Variants in ENPP6 observed in about 807,000 individuals in gnomAD.
ENPP6 encodes glycerophosphocholine cholinephosphodiesterase ENPP6.
A neutral mutation model predicts 42.0 loss-of-function variants in ENPP6; 32 were observed. The ratio of observed to expected loss-of-function variants is 0.76; its 90% CI spans 0.58 to 1.02. ENPP6 has a LOEUF of 1.02. ENPP6 is among the 50% of genes least tolerant of loss of function. The pLI is 0.00. For missense variants in ENPP6, 552 were observed against 566.8 expected, an observed-to-expected ratio of 0.97 and a Z score of 0.27; for synonymous variants, 213 against 216.0, an observed-to-expected ratio of 0.99 and a Z score of 0.12.
intron 5 of ENPP6, 23 bp downstream of exon 5, chr4:184,116,833 C>T (rs919425725): frequency 2.7e-5 from 43 of 1,611,382 alleles, no homozygotes; most frequent in Admixed American, 1.3e-4. Context: ...GGCCCTCCTC[C>T]GCCCCCCACG....
chr4:184,146,109 T>G (rs1043808744), intron 2 of ENPP6, among the ~76,000 whole-genome samples: 4 of 151,254 alleles, frequency 2.6e-5, no homozygotes, highest in African/African-American at 9.7e-5. Flanking sequence ...TTTCAGCCAA[T>G]TTTCAAGCGT....
At chr4:184,207,254 A>C (rs1184844167) in intron 1 of ENPP6, among the ~76,000 whole-genome samples, 2 of 152,258 alleles carry the variant, frequency 1.3e-5, no homozygotes, top group African/African-American at 4.8e-5. Context: ...GCTACTCAGA[A>C]TGTTTCTGGG....
In ENPP6 at chr4:184,091,202, A is replaced by G. The variant is rs1217339770; in HGVS notation, c.1298T>C (p.Leu433Pro). 1.3e-6 allele frequency: 2 copies of G among 1,570,806 alleles called. No homozygotes were observed. Among genetic ancestry groups the G allele is most frequent in the South Asian group, 1.2e-5 (1 of 85,344 alleles). Residue 433 changes from leucine to proline, a missense_variant, in exon 8 of 8, where the codon CTG becomes CCG. Transcript: ENST00000296741. Reference sequence around the variant, plus strand: ...TTATGCAAGCAGGAAGAGAAGAATCAGTGCCAGGGCACAGTGGCTGGGCCA... The same window carrying G: ...TTATGCAAGCAGGAAGAGAAGAATCGGTGCCAGGGCACAGTGGCTGGGCCA... ...PVWPSHCALALILLFLLA is the reference protein window; with the variant it reads ...PVWPSHCALAPILLFLLA
intron 3 of ENPP6, among the ~76,000 whole-genome samples, chr4:184,118,741 G>A (rs1471617114): frequency 6.6e-6 from 1 of 152,194 alleles, no homozygotes; most frequent in Admixed American, 6.5e-5. Context: ...TTCCATCCCA[G>A]GTCAGCTCAT....
At chr4:184,126,292 T>A (rs11727475) in intron 2 of ENPP6, among the ~76,000 whole-genome samples, 103,946 of 152,088 alleles carry the variant, frequency 0.68, 35,856 homozygotes, top group African/African-American at 0.75. Context: ...TTCACCTGAG[T>A]AATTTGCCCT....
chr4:184,108,776 T>C (rs1444651835), intron 6 of ENPP6, among the ~76,000 whole-genome samples: 2 of 152,208 alleles, frequency 1.3e-5, no homozygotes. Flanking sequence ...CGATTATGAG[T>C]TTCCAGAGAG....
chr4:184,135,180 G>A (rs1039060119), intron 2 of ENPP6, among the ~76,000 whole-genome samples: 8 of 152,060 alleles, frequency 5.3e-5, no homozygotes, highest in African/African-American at 1.4e-4. Context: ...GCAGCTAGGT[G>A]CAGAGTTCTA....
At chr4:184,167,865 T>C (rs1192682502) in intron 1 of ENPP6, among the ~76,000 whole-genome samples, 3 of 152,170 alleles carry the variant, frequency 2.0e-5, no homozygotes, top group African/African-American at 7.2e-5. Context: ...TGGGTCTCAT[T>C]CAGTGATTCA....
At chr4:184,193,502 G>A (rs1732736702) in intron 1 of ENPP6, among the ~76,000 whole-genome samples, 1 of 152,166 alleles carries the variant, frequency 6.6e-6, no homozygotes. Context: ...AGGGCACAAA[G>A]TTTCCTTTTG....
chr4:184,126,915 A>G lies in ENPP6; in HGVS notation c.422-2643T>C, dbSNP rs117650236. Among the ~76,000 whole-genome samples the G allele has an allele frequency of 1.9e-3, 291 of 152,322 alleles. 8 individuals carry two copies. The East Asian group carries it at 0.05, about 26-fold the overall frequency. Reference sequence around the variant, plus strand: ...AAATATTATTTACCATATTATCTCTATTGTTCTTTCTCACACAATGTCCAA... The same window carrying G: ...AAATATTATTTACCATATTATCTCTGTTGTTCTTTCTCACACAATGTCCAA... On this transcript the variant is annotated intron_variant, in intron 2 of 7. Coordinates refer to ENST00000296741, the MANE Select transcript of ENPP6 (RefSeq NM_153343.4).
At chr4:184,185,035 G>A (rs781073365) in intron 1 of ENPP6, among the ~76,000 whole-genome samples, 3 of 152,188 alleles carry the variant, frequency 2.0e-5, no homozygotes, top group Non-Finnish European at 4.4e-5. Context: ...TATTATGAGA[G>A]ATAATCAAAG....
intron 1 of ENPP6, among the ~76,000 whole-genome samples, chr4:184,193,023 C>T (rs1335805715): frequency 4.6e-5 from 7 of 152,126 alleles, no homozygotes; most frequent in Admixed American, 4.6e-4. Context: ...CAGAACCTCA[C>T]ACATTGCTGG....
intron 1 of ENPP6, among the ~76,000 whole-genome samples, chr4:184,176,285 T>C (rs1737560327): frequency 6.6e-6 from 1 of 152,198 alleles, no homozygotes; most frequent in South Asian, 2.1e-4. Context: ...AGGTACCAAA[T>C]ACTAAGTCTA....
intron 2 of ENPP6, among the ~76,000 whole-genome samples, chr4:184,125,122 G>C (rs1183202879): frequency 6.6e-6 from 1 of 152,162 alleles, no homozygotes; most frequent in Non-Finnish European, 1.5e-5. Flanking sequence ...TAGTGGGAGG[G>C]GACACAGGAA....
At chr4:184,112,837 T>C (rs779304242) in intron 5 of ENPP6, 28 bp from the exon 6 acceptor site, 7 of 1,606,134 alleles carry the variant, frequency 4.4e-6, no homozygotes, top group African/African-American at 1.3e-5. Flanking sequence ...AGTGATCAGT[T>C]TGACACTCTC....
At chr4:184,208,380 G>A (rs1009648709) in intron 1 of ENPP6, among the ~76,000 whole-genome samples, 84 of 152,258 alleles carry the variant, frequency 5.5e-4, no homozygotes, top group African/African-American at 1.9e-3. Flanking sequence ...CAGTGGGTGC[G>A]CGCACCCTGC....
rs1735780022 is a variant in ENPP6 at position 184,091,007 on chromosome 4, A to G, written c.*170T>C. 5.1e-6 allele frequency: 3 copies of G among 588,276 alleles called. No homozygotes were observed. Among genetic ancestry groups the G allele is most frequent in the South Asian group, 1.1e-4 (2 of 18,928 alleles). 36.4% of individuals were successfully genotyped at this position (588,276 alleles called of 1,614,324 possible). The stretch of plus-strand genomic sequence containing the variant: ...GAAAAACAAGGTTTGTATCTTTTTT[A>G]ACAAGTAGGAACTTTTATGTATAGA... On this transcript the variant is annotated 3_prime_UTR_variant, in exon 8 of 8. Transcript: ENST00000296741.
intron 1 of ENPP6, among the ~76,000 whole-genome samples, chr4:184,164,994 G>A (rs1036080659): frequency 6.6e-6 from 1 of 152,182 alleles, no homozygotes; most frequent in Non-Finnish European, 1.5e-5. Flanking sequence ...GAAGCTGCTG[G>A]TGTTACACTT....
chr4:184,151,206 T>G lies in ENPP6; in HGVS notation c.421+2348A>C, dbSNP rs551181461. Among the ~76,000 whole-genome samples the G allele has an allele frequency of 2.6e-5, 4 of 152,276 alleles. No individual in the cohort carries two copies. In the East Asian group the frequency reaches 7.7e-4, roughly 29 times the overall value. On this transcript the variant is annotated intron_variant, in intron 2 of 7. Coordinates refer to ENST00000296741, the MANE Select transcript of ENPP6 (RefSeq NM_153343.4). ...TACAAAAATTAGCCAGGCGTGGTGGTGCACGCCTGTAATCCCAGCTACTCT... is the reference window on the plus strand; with the variant it reads ...TACAAAAATTAGCCAGGCGTGGTGGGGCACGCCTGTAATCCCAGCTACTCT...
Sources: allele counts gnomAD v4.1 joint callset (sites outside exome capture counted in the v4.1 genomes callset), GRCh38; gene constraint gnomAD v4.1.1; transcripts MANE v1.5; gene names NCBI Gene and HGNC (gene_info 2026-07-23, HGNC 2026-07-21).